Variants in VMP1 observed in about 807,000 individuals in gnomAD.
The protein encoded by VMP1 is ectopic P-granules autophagy protein 3 homolog.
In VMP1, 11 loss-of-function variants were observed where a neutral mutation model predicts 56.0. That is an observed-to-expected ratio of 0.20 (90% confidence interval 0.12 to 0.32). The LOEUF is 0.32. Ranked by LOEUF, VMP1 falls within the 10% of genes least tolerant of loss-of-function variation. VMP1 has a pLI of 1.00. For missense variants in VMP1, 296 were observed against 490.3 expected, an observed-to-expected ratio of 0.60 and a Z score of 3.74; for synonymous variants, 149 against 165.0, an observed-to-expected ratio of 0.90 and a Z score of 0.74.
chr17:59,787,254 T>C (rs2037037366), intron 7 of VMP1, among the ~76,000 whole-genome samples: 1 of 152,194 alleles, frequency 6.6e-6, no homozygotes, highest in African/African-American at 2.4e-5. Flanking sequence ...TCGTGCCCCC[T>C]TTTACTTGCT....
intron 5 of VMP1, among the ~76,000 whole-genome samples, chr17:59,757,163 T>C (rs1351633842): frequency 1.3e-5 from 2 of 152,114 alleles, no homozygotes; most frequent in South Asian, 2.1e-4. Flanking sequence ...CAAGGATTTC[T>C]TTCTCTGGGC....
intron 11 of VMP1, chr17:59,838,981 T>A (rs973400509): frequency 3.3e-5 from 5 of 152,178 alleles, no homozygotes; most frequent in Non-Finnish European, 7.3e-5. Flanking sequence ...TTGTTTTGTT[T>A]GGTTCGTTTT....
At chr17:59,788,211 T>A (rs2037074662) in intron 7 of VMP1, among the ~76,000 whole-genome samples, 1 of 151,930 alleles carries the variant, frequency 6.6e-6, no homozygotes, top group Non-Finnish European at 1.5e-5. Context: ...GTTTTGGGCT[T>A]GGCGCGTTGG....
intron 10 of VMP1, among the ~76,000 whole-genome samples, chr17:59,834,387 C>A (rs914509243): frequency 3.3e-5 from 5 of 152,172 alleles, no homozygotes; most frequent in African/African-American, 9.7e-5. Context: ...CCTCAGCCCC[C>A]ACTAGTAGCT....
chr17:59,803,072 A>G (rs147167421), intron 7 of VMP1, among the ~76,000 whole-genome samples: 55 of 152,292 alleles, frequency 3.6e-4, no homozygotes, highest in African/African-American at 1.3e-3. Flanking sequence ...AGATCTTTTC[A>G]TATGGCTTCC....
chr17:59,819,657 T>C (rs1030142862), intron 10 of VMP1, among the ~76,000 whole-genome samples: 2 of 152,124 alleles, frequency 1.3e-5, no homozygotes, highest in Non-Finnish European at 2.9e-5. Flanking sequence ...TTTCACCACA[T>C]TGGTCAGGCT....
chr17:59,758,578 A>T (rs1217798423), intron 5 of VMP1, among the ~76,000 whole-genome samples: 2 of 151,752 alleles, frequency 1.3e-5, no homozygotes, highest in African/African-American at 4.8e-5. Flanking sequence ...TAATCCCAGC[A>T]CTTTGGGAGG....
intron 7 of VMP1, among the ~76,000 whole-genome samples, chr17:59,782,739 A>G (rs1385149433): frequency 6.6e-6 from 1 of 152,234 alleles, no homozygotes; most frequent in Non-Finnish European, 1.5e-5. Flanking sequence ...TTAAGATTGC[A>G]TGAGAATGAG....
chr17:59,771,140 A>G (rs896211240), intron 6 of VMP1, among the ~76,000 whole-genome samples: 3 of 151,200 alleles, frequency 2.0e-5, no homozygotes, highest in Admixed American at 6.6e-5. Flanking sequence ...AGGTTATAAA[A>G]TATTAGTATC....
intron 1 of VMP1, among the ~76,000 whole-genome samples, chr17:59,726,363 G>A (rs1469048619): frequency 6.7e-6 from 1 of 150,256 alleles, no homozygotes; most frequent in Non-Finnish European, 1.5e-5. Flanking sequence ...GTGCAATCTC[G>A]GCTCCCTGCG....
Position 59,808,895 on chromosome 17 carries a change from A to C in VMP1, c.795+19A>C. On this transcript the variant is annotated intron_variant, in intron 8 of 11. Coordinates refer to ENST00000262291, the MANE Select transcript of VMP1 (RefSeq NM_030938.5). ...TGCTTCAGTAAGTGAATTGTATTAAAACAGAACTTTTACTAAGTGGTAGTG... is the reference window on the plus strand; with the variant it reads ...TGCTTCAGTAAGTGAATTGTATTAACACAGAACTTTTACTAAGTGGTAGTG... The C allele has an allele frequency of 6.2e-7, 1 of 1,605,236 alleles. No individual in the cohort carries two copies. Among genetic ancestry groups the C allele is most frequent in the Non-Finnish European group, 8.5e-7 (1 of 1,172,446 alleles).
At chr17:59,817,421 G>T (rs918836345) in intron 9 of VMP1, among the ~76,000 whole-genome samples, 1 of 149,898 alleles carries the variant, frequency 6.7e-6, no homozygotes, top group South Asian at 2.1e-4. Context: ...GTGCAATCTT[G>T]GCTCACTGCC....
intron 7 of VMP1, among the ~76,000 whole-genome samples, chr17:59,785,510 T>G (rs533057830): frequency 8.6e-5 from 13 of 151,846 alleles, no homozygotes; most frequent in Admixed American, 8.5e-4. Context: ...CTTGTAAAAA[T>G]ACAAAATTTT....
At position 59,772,778 on chromosome 17, in the gene VMP1, A is replaced by G. The variant is rs976727979; in HGVS notation, c.583-976A>G. Among the ~76,000 whole-genome samples the G allele has an allele frequency of 1.1e-4, 17 of 151,998 alleles. No individual in the cohort carries two copies. In the East Asian group the frequency reaches 2.7e-3, roughly 24 times the overall value. On this transcript the variant is annotated intron_variant, in intron 6 of 11. Transcript: ENST00000262291. ...AGTGAGACTTCATCTCAAAAAAAAA[A>G]AGAAAAAGAAAACTTATTCATCCTA...
chr17:59,802,187 G>A (rs771567537), intron 7 of VMP1, among the ~76,000 whole-genome samples: 34 of 151,910 alleles, frequency 2.2e-4, no homozygotes, highest in Non-Finnish European at 2.5e-4. Context: ...GCGACAGAGC[G>A]AGACCCTGTC....
chr17:59,811,863 G>C, intron 9 of VMP1, 77 bp downstream of exon 9: 2 of 1,024,476 alleles, frequency 2.0e-6, no homozygotes, highest in South Asian at 2.9e-5. Flanking sequence ...ATTCCTAAGT[G>C]AATTATTTAG....
chr17:59,737,649 A>T, intron 4 of VMP1, 106 bp downstream of exon 4: 1 of 890,916 alleles, frequency 1.1e-6, no homozygotes, highest in South Asian at 2.1e-5. Context: ...TACCCTCAAC[A>T]TTATCTCATA....
At chr17:59,710,236 TTTAGAA>T (rs1310622353) in intron 1 of VMP1, among the ~76,000 whole-genome samples, 1 of 152,016 alleles carries the variant, frequency 6.6e-6, no homozygotes, top group Non-Finnish European at 1.5e-5. Flanking sequence ...GAAACCAATA[TTTAGAA>T]TTAGAAGGAA....
intron 1 of VMP1, among the ~76,000 whole-genome samples, chr17:59,721,538 G>T (rs999434961): frequency 6.6e-6 from 1 of 152,078 alleles, no homozygotes; most frequent in Non-Finnish European, 1.5e-5. Context: ...ATTAGTCACT[G>T]TTGCAGTTTG....
Sources: gnomAD v4.1 joint callset for allele counts (sites outside exome capture counted in the v4.1 genomes callset) on GRCh38, gnomAD v4.1.1 for gene constraint, MANE v1.5 for transcripts, NCBI Gene and HGNC (gene_info 2026-07-23, HGNC 2026-07-21) for gene names.